PLAG1: variants seen among roughly 807,000 people sequenced by gnomAD.
The protein encoded by PLAG1 is PLAG1 zinc finger, also known as zinc finger protein PLAG1.
Under a neutral mutation model 35.5 loss-of-function variants are expected in PLAG1, and 7 were observed. The observed-to-expected ratio is 0.20, with a 90% CI of 0.11 to 0.37. The LOEUF (loss-of-function observed/expected upper bound fraction) is 0.37, where lower values mean the gene tolerates loss of function less well. Among genes scored for constraint, PLAG1 ranks in the 10% least tolerant of loss-of-function variants. The pLI, the probability that PLAG1 is intolerant of heterozygous loss-of-function variation, is 1.00. For missense variants in PLAG1, 454 were observed against 602.8 expected (o/e 0.75, Z 2.58); for synonymous variants, 229 against 225.4 (o/e 1.02, Z -0.14).
chr8:56,164,483 T>C lies in PLAG1; in HGVS notation c.*1760A>G, dbSNP rs1811296113. ...GAAATTCTTGGTAAACATTGCAATC[T>C]GCAGTGATAACTGGCCCTACAAAAA... On this transcript the variant is annotated 3_prime_UTR_variant, in exon 5 of 5. Coordinates refer to ENST00000316981, the MANE Select transcript of PLAG1 (RefSeq NM_002655.3). The C allele has an allele frequency of 9.0e-6, 2 of 223,034 alleles. No homozygotes were observed. Among genetic ancestry groups the C allele is most frequent in the Non-Finnish European group, 1.8e-5 (2 of 111,302 alleles). The allele number at this position is 223,034 out of a possible 1,614,324, so 13.8% of individuals were successfully genotyped here.
At position 56,166,110 on chromosome 8, in the gene PLAG1, C is replaced by G; in HGVS notation, c.*133G>C. 5.2e-6 allele frequency: 3 copies of G among 579,224 alleles called. No homozygotes were observed. The highest frequency in any genetic ancestry group is 4.1e-5 in the South Asian group (1 of 24,636). The allele number at this position is 579,224 out of a possible 1,614,324, so 35.9% of individuals were successfully genotyped here. On this transcript the variant is annotated 3_prime_UTR_variant, in exon 5 of 5. Coordinates refer to ENST00000316981, the MANE Select transcript of PLAG1 (RefSeq NM_002655.3). ...TTTAAAAGCTAGTTTCTATTTTATA[C>G]TGGCTTAATGAAAATTTGTATTATA...
In PLAG1 at chr8:56,165,653, T is replaced by C. The variant is rs1811332305; in HGVS notation, c.*590A>G. ...TTTCCTTAAAGGCTCATAATAAAGA[T>C]GGCAAATATTTTAGCCAGACAACAG... On this transcript the variant is annotated 3_prime_UTR_variant, in exon 5 of 5. Transcript: ENST00000316981. 1 of 198,650 alleles carries C rather than the reference T, an allele frequency of 5.0e-6. No homozygotes were observed. Among genetic ancestry groups the C allele is most frequent in the Non-Finnish European group, 1.0e-5 (1 of 95,946 alleles). 12.3% of individuals were successfully genotyped at this position (198,650 alleles called of 1,614,324 possible). A position where few individuals can be genotyped will look rare whatever the true frequency, so the allele number is the denominator to read the frequency against.
At chr8:56,194,742 T>C (rs1812306925) in intron 1 of PLAG1, among the ~76,000 whole-genome samples, 1 of 152,088 alleles carries the variant, frequency 6.6e-6, no homozygotes, top group Non-Finnish European at 1.5e-5. Flanking sequence ...GGCAGGAGTC[T>C]GCCGGGTGTG....
intron 3 of PLAG1, among the ~76,000 whole-genome samples, chr8:56,170,763 T>C (rs1461431685): frequency 6.6e-6 from 1 of 152,178 alleles, no homozygotes; most frequent in South Asian, 2.1e-4. Flanking sequence ...TATACAAACA[T>C]TTGATTGTTA....
intron 1 of PLAG1, among the ~76,000 whole-genome samples, chr8:56,186,121 A>G (rs1240621292): frequency 6.6e-6 from 1 of 152,204 alleles, no homozygotes; most frequent in Non-Finnish European, 1.5e-5. Flanking sequence ...GCTCTGCAGG[A>G]GACAAGAAGG....
chr8:56,169,860 G>A (rs982153769), intron 3 of PLAG1, among the ~76,000 whole-genome samples: 1 of 152,164 alleles, frequency 6.6e-6, no homozygotes, highest in African/African-American at 2.4e-5. Flanking sequence ...GTACTTTTAA[G>A]AGACCATAGA....
At position 56,200,466 on chromosome 8, in the gene PLAG1, G is replaced by A. The variant is rs375074953; in HGVS notation, c.-322+10655C>T. On this transcript the variant is annotated intron_variant, in intron 1 of 4. Transcript: ENST00000316981. ...TGGAACATATTCACATTTCTGTAAC[G>A]CTAGTCTTACATCCATGGGGTCAGT... Among the ~76,000 whole-genome samples, 58 of 152,298 alleles carry A rather than the reference G, an allele frequency of 3.8e-4. No homozygotes were observed. In the South Asian group the frequency reaches 0.011, roughly 29 times the overall value.
At chr8:56,171,063 T>C (rs1305303967) in intron 3 of PLAG1, 28 bp downstream of exon 3, 2 of 533,608 alleles carry the variant, frequency 3.7e-6, no homozygotes, top group Non-Finnish European at 4.8e-6. Context: ...ATGCATAGAA[T>C]TATAGTGATT....
At chr8:56,201,538 T>G (rs1409801337) in intron 1 of PLAG1, among the ~76,000 whole-genome samples, 1 of 152,202 alleles carries the variant, frequency 6.6e-6, no homozygotes, top group East Asian at 1.9e-4. Context: ...GTCAACTCTA[T>G]GCCTGAAATC....
rs970566261 is a variant in PLAG1, at chr8:56,164,005, A to G, written c.*2238T>C. 5.4e-6 allele frequency: 1 copy of G among 184,270 alleles called. No individual in the cohort carries two copies. Among genetic ancestry groups the G allele is most frequent in the Admixed American group, 6.2e-5 (1 of 16,002 alleles). The allele number at this position is 184,270 out of a possible 1,614,324, so 11.4% of individuals were successfully genotyped here. A position where few individuals can be genotyped will look rare whatever the true frequency, so the allele number is the denominator to read the frequency against. On this transcript the variant is annotated 3_prime_UTR_variant, in exon 5 of 5. Coordinates refer to ENST00000316981, the MANE Select transcript of PLAG1 (RefSeq NM_002655.3). ...ATTCAACTAAAGATTTAGGTAAGCAATCTGTTTCATAGAAACTAAAGGAAG... is the reference window on the plus strand; with the variant it reads ...ATTCAACTAAAGATTTAGGTAAGCAGTCTGTTTCATAGAAACTAAAGGAAG...
rs1585772692 is a variant in PLAG1 at position 56,165,874 on chromosome 8, C to T, written c.*369G>A. On this transcript the variant is annotated 3_prime_UTR_variant, in exon 5 of 5. Transcript: ENST00000316981. ...TTCTATTGCTAAATTTTTTAATGAG[C>T]CAGATGTCAAAAGGTAGAGCCACTG... 1 of 201,134 alleles carries T rather than the reference C, an allele frequency of 5.0e-6. No homozygotes were observed. The highest frequency in any genetic ancestry group is 6.0e-5 in the Admixed American group (1 of 16,712). 12.5% of individuals were successfully genotyped at this position (201,134 alleles called of 1,614,324 possible).
At chr8:56,190,214 G>A (rs1812142911) in intron 1 of PLAG1, among the ~76,000 whole-genome samples, 1 of 152,184 alleles carries the variant, frequency 6.6e-6, no homozygotes, top group African/African-American at 2.4e-5. Flanking sequence ...GAAGAGCAGG[G>A]TAAGGACTAG....
chr8:56,194,514 G>A (rs1812294100), intron 1 of PLAG1, among the ~76,000 whole-genome samples: 1 of 152,182 alleles, frequency 6.6e-6, no homozygotes, highest in Non-Finnish European at 1.5e-5. Flanking sequence ...CAGTGGGAGA[G>A]ACTTCGGTCA....
chr8:56,169,238 G>A (rs1254817596), intron 3 of PLAG1, among the ~76,000 whole-genome samples: 1 of 152,136 alleles, frequency 6.6e-6, no homozygotes, highest in Non-Finnish European at 1.5e-5. Flanking sequence ...CCTGCAACCT[G>A]TGTGCAGCAG....
At chr8:56,190,951 T>C (rs2129230899) in intron 1 of PLAG1, among the ~76,000 whole-genome samples, 1 of 152,220 alleles carries the variant, frequency 6.6e-6, no homozygotes, top group African/African-American at 2.4e-5. Flanking sequence ...AAATAGCACG[T>C]GCAAGGGCAG....
intron 1 of PLAG1, among the ~76,000 whole-genome samples, chr8:56,195,445 C>T (rs748536119): frequency 1.7e-4 from 26 of 152,166 alleles, no homozygotes; most frequent in Non-Finnish European, 3.4e-4. Context: ...TCCCAGTTCA[C>T]GGGGTCTGTT....
intron 1 of PLAG1, among the ~76,000 whole-genome samples, chr8:56,204,054 G>C (rs181261141): frequency 2.1e-4 from 32 of 152,034 alleles, no homozygotes; most frequent in Admixed American, 1.8e-3. Context: ...AATATATAAA[G>C]TGACAACTGT....
chr8:56,188,829 C>T (rs546834898), intron 1 of PLAG1, among the ~76,000 whole-genome samples: 1 of 152,262 alleles, frequency 6.6e-6, no homozygotes, highest in African/African-American at 2.4e-5. Context: ...CAAAATTAGT[C>T]ACTGTGATTC....
intron 2 of PLAG1, among the ~76,000 whole-genome samples, chr8:56,174,236 G>GA (rs1811623958): frequency 6.6e-6 from 1 of 152,072 alleles, no homozygotes; most frequent in South Asian, 2.1e-4. Flanking sequence ...GTTGCAAAAA[G>GA]AAACTTACCA....
Sources: gnomAD v4.1 joint callset for allele counts (sites outside exome capture counted in the v4.1 genomes callset) on GRCh38, gnomAD v4.1.1 for gene constraint, MANE v1.5 for transcripts, NCBI Gene and HGNC (gene_info 2026-07-23, HGNC 2026-07-21) for gene names.